Variants in TMEM132D observed in about 807,000 individuals in gnomAD.
TMEM132D encodes mature OL transmembrane protein.
In TMEM132D, 21 loss-of-function variants were observed where a neutral mutation model predicts 62.3. The ratio of observed to expected loss-of-function variants is 0.34; its 90% confidence interval spans 0.24 to 0.49. The LOEUF (loss-of-function observed/expected upper bound fraction) is 0.49, where lower values mean the gene tolerates loss of function less well. Ranked by LOEUF, TMEM132D falls within the 20% of genes least tolerant of loss-of-function variation. The pLI, the probability that TMEM132D is intolerant of heterozygous loss-of-function variation, is 0.99. For synonymous variants in TMEM132D, 621 were observed against 575.6 expected (o/e 1.08, Z -1.13); for missense variants, 1,346 against 1,402.8 (o/e 0.96, Z 0.65).
intron 2 of TMEM132D, among the ~76,000 whole-genome samples, chr12:129,692,711 CT>C (rs1881091182): frequency 6.6e-6 from 1 of 152,128 alleles, no homozygotes; most frequent in Non-Finnish European, 1.5e-5. Flanking sequence ...CATGGATGGA[CT>C]TGGAAGCCAT....
intron 2 of TMEM132D, among the ~76,000 whole-genome samples, chr12:129,622,900 A>G (rs1032418677): frequency 2.6e-5 from 4 of 152,226 alleles, no homozygotes; most frequent in Non-Finnish European, 5.9e-5. Flanking sequence ...CTCTCAGTTA[A>G]AGCTAGTGTG....
intron 2 of TMEM132D, among the ~76,000 whole-genome samples, chr12:129,637,620 C>G (rs190658635): frequency 7.3e-4 from 111 of 152,208 alleles, no homozygotes; most frequent in Non-Finnish European, 1.3e-3. Flanking sequence ...AGCTCCCTAG[C>G]CATGCTTCCT....
chr12:129,082,028 C>A lies in TMEM132D; in HGVS notation c.1654G>T (p.Ala552Ser). 1.2e-6 allele frequency: 2 copies of A among 1,601,148 alleles called. No individual in the cohort carries two copies. The highest frequency in any genetic ancestry group is 2.2e-5 in the East Asian group (1 of 44,586). The change falls in exon 7 of 9, where the codon GCC (alanine) becomes TCC (serine). Residue 552 changes from alanine (A) to serine (S), a missense_variant. Physicochemically the swap from Ala to Ser is moderately conservative, Grantham distance 99 (BLOSUM62 1). Coordinates refer to ENST00000422113, the MANE Select transcript of TMEM132D (RefSeq NM_133448.3). ...RVPIVSSRRP[A>S]GDSEEEEDDE... is the part of the protein sequence containing the mutation. ...TCCTCCTCCTCTTCACTGTCCCCGG[C>A]AGGCCTGTGAAAGAAGCAGTGCAGT...
chr12:129,863,356 C>T (rs1201273580), intron 1 of TMEM132D, among the ~76,000 whole-genome samples: 2 of 152,116 alleles, frequency 1.3e-5, no homozygotes, highest in African/African-American at 4.8e-5. Flanking sequence ...CACCTGCTCC[C>T]TGCACAGTTA....
At chr12:129,402,041 T>A (rs866208907) in intron 3 of TMEM132D, among the ~76,000 whole-genome samples, 3 of 152,300 alleles carry the variant, frequency 2.0e-5, no homozygotes, top group Middle Eastern at 3.4e-3. Flanking sequence ...CTGCATTTTC[T>A]TCCATTTCAA....
At chr12:129,698,937 C>A (rs962290185) in intron 2 of TMEM132D, among the ~76,000 whole-genome samples, 7 of 152,078 alleles carry the variant, frequency 4.6e-5, no homozygotes. Flanking sequence ...CATACAGTTA[C>A]ACTCCTCATT....
intron 3 of TMEM132D, among the ~76,000 whole-genome samples, chr12:129,421,274 T>C (rs1392742000): frequency 6.6e-6 from 1 of 150,490 alleles, no homozygotes; most frequent in African/African-American, 2.5e-5. Context: ...AGTGGATCTA[T>C]TTTTAAAGTG....
chr12:129,695,084 T>C (rs1005069368), intron 2 of TMEM132D, among the ~76,000 whole-genome samples: 1 of 152,322 alleles, frequency 6.6e-6, no homozygotes, highest in South Asian at 2.1e-4. Flanking sequence ...AATCTGCTGA[T>C]TCTGGGAGCT....
intron 5 of TMEM132D, among the ~76,000 whole-genome samples, chr12:129,088,466 CG>C (rs1267238071): frequency 1.3e-4 from 6 of 45,690 alleles, no homozygotes; most frequent in African/African-American, 3.2e-4. Context: ...CCTCCATGAC[CG>C]GGGTGTCCTC....
rs117164325 is a variant in TMEM132D, at chr12:129,256,580, C to A, written c.1300-46917G>T. On this transcript the variant is annotated intron_variant, in intron 4 of 8. Transcript: ENST00000422113. The stretch of plus-strand genomic sequence containing the variant: ...GGGATTACAGGATCACGCCACCACA[C>A]CCAGGTAGTTTTTGTATTTTTAGTA... Among the ~76,000 whole-genome samples the A allele has an allele frequency of 3.7e-4, 57 of 152,244 alleles. 1 individual carries two copies. The East Asian group carries it at 0.01, about 28-fold the overall frequency.
intron 5 of TMEM132D, among the ~76,000 whole-genome samples, chr12:129,102,678 T>G (rs1238955618): frequency 1.3e-5 from 2 of 152,238 alleles, no homozygotes; most frequent in Non-Finnish European, 2.9e-5. Context: ...TGCTAAAACT[T>G]TCTCTAAGCC....
At chr12:129,521,731 C>T (rs974568680) in intron 3 of TMEM132D, 1 of 152,138 alleles carries the variant, frequency 6.6e-6, no homozygotes, top group Admixed American at 6.6e-5. Flanking sequence ...TGTTCTTTTT[C>T]ATTGCTGAGT....
intron 3 of TMEM132D, among the ~76,000 whole-genome samples, chr12:129,384,515 CT>C (rs111767484): frequency 9.3e-4 from 135 of 145,396 alleles, no homozygotes; most frequent in Non-Finnish European, 7.5e-4. Context: ...CTGCTCTGTG[CT>C]TTTTTTTTTT....
At chr12:129,430,782 G>A (rs568918706) in intron 3 of TMEM132D, among the ~76,000 whole-genome samples, 3 of 152,320 alleles carry the variant, frequency 2.0e-5, no homozygotes, top group East Asian at 3.9e-4. Context: ...TTCCCCAGTT[G>A]CCAATAATTG....
Position 129,867,595 on chromosome 12 carries a change from G to C in TMEM132D, c.79+35666C>G, listed in dbSNP as rs1182003940. ...AATGTACTGAGAGGATAAATCTTCA[G>C]TGTTTTCCTCATAAAAAGAGAAAGT... On this transcript the variant is annotated intron_variant, in intron 1 of 8. Transcript: ENST00000422113. The surrounding 1 kb of genome is among the most constrained non-coding windows in gnomAD (Gnocchi z 4.5). Among the ~76,000 whole-genome samples, 1 of 152,216 alleles carries C rather than the reference G, an allele frequency of 6.6e-6. No individual in the cohort carries two copies. Among genetic ancestry groups the C allele is most frequent in the Non-Finnish European group, 1.5e-5 (1 of 68,044 alleles).
At chr12:129,711,728 CAAA>C (rs1333520514) in intron 1 of TMEM132D, among the ~76,000 whole-genome samples, 7 of 45,420 alleles carry the variant, frequency 1.5e-4, no homozygotes, top group Non-Finnish European at 4.1e-4. Context: ...ATTCCATCTC[CAAA>C]AAAAAAAAAA....
chr12:129,285,161 G>T (rs1881254802), intron 4 of TMEM132D, among the ~76,000 whole-genome samples: 1 of 152,134 alleles, frequency 6.6e-6, no homozygotes. Context: ...GTGTAGGAAG[G>T]ACAGGTAGTG....
At chr12:129,177,722 C>T (rs1877944331) in intron 5 of TMEM132D, among the ~76,000 whole-genome samples, 2 of 152,178 alleles carry the variant, frequency 1.3e-5, no homozygotes, top group South Asian at 4.1e-4. Flanking sequence ...CGCACCACTG[C>T]ACTCCAGCCT....
At chr12:129,407,316 A>G (rs2135703613) in intron 3 of TMEM132D, among the ~76,000 whole-genome samples, 1 of 152,258 alleles carries the variant, frequency 6.6e-6, no homozygotes, top group Non-Finnish European at 1.5e-5. Flanking sequence ...ACAACACAAC[A>G]CTTGTAACAC....
Sources: gnomAD v4.1 joint callset for allele counts (sites outside exome capture counted in the v4.1 genomes callset) on GRCh38, gnomAD v4.1.1 for gene constraint, Gnocchi (gnomAD v3.1) non-coding constraint, MANE v1.5 for transcripts, NCBI Gene and HGNC (gene_info 2026-07-23, HGNC 2026-07-21) for gene names.